The following VDR variants were observed in gnomAD, a reference collection of about 807,000 sequenced individuals.
The protein encoded by VDR is vitamin D receptor.
Under a neutral mutation model 39.7 loss-of-function variants are expected in VDR, and 19 were observed. That is an observed-to-expected ratio of 0.48 (90% CI 0.33 to 0.70). The LOEUF (loss-of-function observed/expected upper bound fraction) is 0.70, where lower values mean the gene tolerates loss of function less well. Among genes scored for constraint, VDR ranks in the 30% least tolerant of loss-of-function variants. The pLI is 0.02. For synonymous variants in VDR, 242 were observed against 215.8 expected (o/e 1.12, Z -1.07); for missense variants, 442 against 570.5 (o/e 0.77, Z 2.29).
intron 3 of VDR, among the ~76,000 whole-genome samples, chr12:47,865,954 A>G (rs1179941014): frequency 6.6e-6 from 1 of 151,540 alleles, no homozygotes; most frequent in East Asian, 1.9e-4. Flanking sequence ...TGACCTCATG[A>G]TCCGCCTGCC....
chr12:47,899,496 C>T (rs1363966407), intron 1 of VDR, among the ~76,000 whole-genome samples: 1 of 152,248 alleles, frequency 6.6e-6, no homozygotes, highest in East Asian at 1.9e-4. Flanking sequence ...AGGTCACAAG[C>T]TACAAAGCGA....
chr12:47,844,620 AG>A lies in VDR; in HGVS notation c.*125del. On this transcript the variant is annotated 3_prime_UTR_variant, in exon 10 of 10. Transcript: ENST00000549336. ...AGAGAATGGGCTGGGTGGATAGGGG[AG>A]GTGGCAGAGGAGGGGCTGAACCCCA... is the stretch of plus-strand genomic sequence containing the variant. The A allele has an allele frequency of 2.3e-6, 3 of 1,289,334 alleles. No individual in the cohort carries two copies. Among genetic ancestry groups the A allele is most frequent in the Non-Finnish European group, 3.3e-6 (3 of 917,134 alleles). 79.9% of individuals were successfully genotyped at this position (1,289,334 alleles called of 1,614,324 possible). A position where few individuals can be genotyped will look rare whatever the true frequency, so the allele number is the denominator to read the frequency against.
intron 1 of VDR, among the ~76,000 whole-genome samples, chr12:47,892,228 CCA>C (rs1385137590): frequency 3.0e-4 from 46 of 152,312 alleles, no homozygotes; most frequent in African/African-American, 9.4e-4. Context: ...AGCTCCGGTC[CCA>C]TGCACGGCTG....
intron 1 of VDR, 74 bp downstream of exon 1, chr12:47,904,881 C>A: frequency 3.1e-6 from 1 of 319,954 alleles, no homozygotes; most frequent in Non-Finnish European, 5.8e-6. Context: ...GGCGCTCAGG[C>A]CCCGGTATCC....
At chr12:47,876,616 C>T (rs1343240522) in intron 3 of VDR, among the ~76,000 whole-genome samples, 1 of 152,206 alleles carries the variant, frequency 6.6e-6, no homozygotes, top group Non-Finnish European at 1.5e-5. Flanking sequence ...GTTAAGGTGG[C>T]ATCATGTGCC....
chr12:47,878,501 A>G (rs1407464047), intron 3 of VDR, among the ~76,000 whole-genome samples: 1 of 152,248 alleles, frequency 6.6e-6, no homozygotes, highest in African/African-American at 2.4e-5. Flanking sequence ...ATGGGTACAG[A>G]TCGTGATGAC....
chr12:47,858,765 G>A lies in VDR; in HGVS notation c.278-1077C>T, dbSNP rs2853560. On this transcript the variant is annotated intron_variant, in intron 4 of 9. Coordinates refer to ENST00000549336, the MANE Select transcript of VDR (RefSeq NM_000376.3). ...GGGCATCTGCCCACAGAACTGGGGA[G>A]TTTCACAAGAGCAGAGAAAGGAACC... Among the ~76,000 whole-genome samples the A allele has an allele frequency of 9.0e-3, 1,370 of 152,390 alleles. 34 individuals carry two copies. Among genetic ancestry groups the A allele is most frequent in the African/African-American group, 0.032 (1,318 of 41,590 alleles).
chr12:47,883,361 G>C (rs572478289), intron 1 of VDR, among the ~76,000 whole-genome samples: 1 of 152,162 alleles, frequency 6.6e-6, no homozygotes, highest in Non-Finnish European at 1.5e-5. Flanking sequence ...TGTGGAGACC[G>C]GGTGTAGGCG....
chr12:47,861,841 A>T lies in VDR; in HGVS notation c.277+3206T>A, dbSNP rs1430540192. Among the ~76,000 whole-genome samples the T allele has an allele frequency of 1.3e-5, 2 of 152,266 alleles. 1 individual carries two copies. The highest frequency in any genetic ancestry group is 1.3e-4 in the Admixed American group (2 of 15,290). On this transcript the variant is annotated intron_variant, in intron 4 of 9. Transcript: ENST00000549336. ...CTCCTTAACGAAGCCAAGATCTGCA[A>T]CATAAACAATTTGAAAACATTTCAA...
At chr12:47,880,032 G>A (rs551225579) in intron 2 of VDR, among the ~76,000 whole-genome samples, 36 of 152,184 alleles carry the variant, frequency 2.4e-4, no homozygotes, top group Admixed American at 6.5e-4. Flanking sequence ...GTCTGATCCC[G>A]TCTACTGTCA....
Position 47,844,289 on chromosome 12 carries a change from T to G in VDR, c.*457A>C. The G allele has an allele frequency of 2.1e-5, 5 of 242,536 alleles. No homozygotes were observed. The highest frequency in any genetic ancestry group is 2.5e-5 in the Non-Finnish European group (3 of 122,314). The allele number at this position is 242,536 out of a possible 1,614,324, so 15.0% of individuals were successfully genotyped here. On this transcript the variant is annotated 3_prime_UTR_variant, in exon 10 of 10. Coordinates refer to ENST00000549336, the MANE Select transcript of VDR (RefSeq NM_000376.3). Reference sequence around the variant, plus strand: ...GGGTGGGGTGGGAGCTGTGGGCCGATTATTTATCGTGAGTAGGCAGGAGAG... The same window carrying G: ...GGGTGGGGTGGGAGCTGTGGGCCGAGTATTTATCGTGAGTAGGCAGGAGAG...
chr12:47,892,236 GGC>G (rs1565635588), intron 1 of VDR, among the ~76,000 whole-genome samples: 46 of 152,302 alleles, frequency 3.0e-4, no homozygotes, highest in African/African-American at 9.4e-4. Flanking sequence ...TCCCATGCAC[GGC>G]TGATTTGCCC....
At chr12:47,848,913 C>G (rs1327954545) in intron 7 of VDR, among the ~76,000 whole-genome samples, 2 of 152,158 alleles carry the variant, frequency 1.3e-5, no homozygotes, top group African/African-American at 4.8e-5. Context: ...CCAGCACCTC[C>G]TCTTAATCAC....
At chr12:47,885,245 TC>T (rs1377073964) in intron 1 of VDR, among the ~76,000 whole-genome samples, 3 of 152,140 alleles carry the variant, frequency 2.0e-5, no homozygotes, top group African/African-American at 7.2e-5. Flanking sequence ...CTGGCTTCCA[TC>T]CCTCCAGGGC....
chr12:47,889,298 G>C (rs534129119), intron 1 of VDR, among the ~76,000 whole-genome samples: 1 of 152,146 alleles, frequency 6.6e-6, no homozygotes, highest in Non-Finnish European at 1.5e-5. Flanking sequence ...GGGCGAGGAT[G>C]TGGTGTGGGG....
In VDR at chr12:47,845,016, G is replaced by C. The variant is rs767957174; in HGVS notation, c.1025-11C>G. On this transcript the variant is annotated splice_polypyrimidine_tract_variant and intron_variant, in intron 9 of 9. Transcript: ENST00000549336. ...GCACCCCAGGACGATCTGTGGGCAC[G>C]GGGATAGAGAAGAAGGCACAGGAGC... The C allele has an allele frequency of 1.9e-6, 3 of 1,610,432 alleles. No individual in the cohort carries two copies. The highest frequency in any genetic ancestry group is 2.5e-6 in the Non-Finnish European group (3 of 1,179,864).
intron 3 of VDR, among the ~76,000 whole-genome samples, chr12:47,867,326 C>T (rs561676603): frequency 1.6e-4 from 24 of 151,804 alleles, no homozygotes; most frequent in Non-Finnish European, 3.2e-4. Context: ...TGCATTCTAG[C>T]CTAGGCAACA....
intron 4 of VDR, among the ~76,000 whole-genome samples, chr12:47,864,401 C>A (rs1420909166): frequency 2.0e-5 from 3 of 152,250 alleles, no homozygotes; most frequent in Non-Finnish European, 4.4e-5. Flanking sequence ...TATAGAATCA[C>A]TCCTCTTTCT....
chr12:47,865,292 T>C (rs1945707723), intron 3 of VDR, 115 bp from the exon 4 acceptor site: 4 of 1,510,868 alleles, frequency 2.6e-6, no homozygotes, highest in African/African-American at 2.7e-5. Flanking sequence ...ACAGAAGACA[T>C]GAGGCCCACC....
Sources: gnomAD v4.1 joint callset for allele counts (sites outside exome capture counted in the v4.1 genomes callset) on GRCh38, gnomAD v4.1.1 for gene constraint, MANE v1.5 for transcripts, NCBI Gene and HGNC (gene_info 2026-07-23, HGNC 2026-07-21) for gene names.